The following MYRIP variants were observed in gnomAD, a reference collection of about 807,000 sequenced individuals.
The protein encoded by MYRIP is myosin VIIA and Rab interacting protein, also known as rab effector MyRIP.
A neutral mutation model predicts 98.0 loss-of-function variants in MYRIP; 49 were observed. That is an observed-to-expected ratio of 0.50 (90% CI 0.40 to 0.63). The LOEUF is 0.63. Among genes scored for constraint, MYRIP ranks in the 30% least tolerant of loss-of-function variants. The pLI, the probability that MYRIP is intolerant of heterozygous loss-of-function variation, is 0.00. For missense variants in MYRIP, 1,004 were observed against 1,058.2 expected (o/e 0.95, Z 0.71); for synonymous variants, 404 against 409.5 (o/e 0.99, Z 0.16).
intron 1 of MYRIP, among the ~76,000 whole-genome samples, chr3:39,885,113 C>T (rs961947709): frequency 2.0e-5 from 3 of 151,912 alleles, no homozygotes; most frequent in Non-Finnish European, 4.4e-5. Flanking sequence ...AAAAGTCCTT[C>T]AGTCTGCACT....
intron 13 of MYRIP, among the ~76,000 whole-genome samples, chr3:40,249,998 T>C (rs1002167855): frequency 6.6e-6 from 1 of 152,112 alleles, no homozygotes. Flanking sequence ...GTTGACATGC[T>C]CTAGAGCTAA....
intron 2 of MYRIP, among the ~76,000 whole-genome samples, chr3:39,926,700 A>C (rs997279307): frequency 2.6e-5 from 4 of 151,860 alleles, no homozygotes; most frequent in Admixed American, 6.6e-5. Flanking sequence ...TTATGTGTCT[A>C]TTTTTGTACC....
At chr3:40,232,571 G>A (rs962655648) in intron 11 of MYRIP, among the ~76,000 whole-genome samples, 1 of 152,202 alleles carries the variant, frequency 6.6e-6, no homozygotes, top group Non-Finnish European at 1.5e-5. Context: ...CTGGTCACAC[G>A]AAATATGCCT....
chr3:40,157,695 G>T lies in MYRIP; in HGVS notation c.470-5035G>T, dbSNP rs1338467967. Reference sequence around the variant, plus strand: ...AGATCCTGTTATTGGTCTATTCAGAGATTCAACTTCTTCCTGGTTTAGTCT... The same window carrying T: ...AGATCCTGTTATTGGTCTATTCAGATATTCAACTTCTTCCTGGTTTAGTCT... On this transcript the variant is annotated intron_variant, in intron 4 of 16. Coordinates refer to ENST00000302541, the MANE Select transcript of MYRIP (RefSeq NM_015460.4). 8.6e-5 allele frequency among the ~76,000 whole-genome samples: 13 copies of T among 150,786 alleles called. No homozygotes were observed. In the East Asian group the frequency reaches 2.5e-3, roughly 29 times the overall value.
At chr3:40,018,539 C>G (rs1305505996) in intron 2 of MYRIP, among the ~76,000 whole-genome samples, 1 of 149,444 alleles carries the variant, frequency 6.7e-6, no homozygotes, top group African/African-American at 2.4e-5. Context: ...GTCTTTTGGT[C>G]CCTCATTTCC....
At chr3:40,122,556 ATAAT>A (rs987814617) in intron 3 of MYRIP, among the ~76,000 whole-genome samples, 1 of 151,898 alleles carries the variant, frequency 6.6e-6, no homozygotes, top group Non-Finnish European at 1.5e-5. Context: ...CTATAGATAC[ATAAT>A]TAAACACATT....
At chr3:40,158,882 A>C (rs1395065455) in intron 4 of MYRIP, among the ~76,000 whole-genome samples, 1 of 151,394 alleles carries the variant, frequency 6.6e-6, no homozygotes, top group Non-Finnish European at 1.5e-5. Context: ...TTTTGAGCCT[A>C]TGTGTGTCTC....
intron 9 of MYRIP, among the ~76,000 whole-genome samples, chr3:40,189,469 A>C (rs950841150): frequency 6.6e-6 from 1 of 152,226 alleles, no homozygotes; most frequent in Admixed American, 6.5e-5. Flanking sequence ...TCAAAGAGCC[A>C]GAAGCTGGTA....
intron 2 of MYRIP, among the ~76,000 whole-genome samples, chr3:40,041,635 C>G (rs1947534848): frequency 1.3e-5 from 2 of 151,626 alleles, no homozygotes; most frequent in Non-Finnish European, 2.9e-5. Flanking sequence ...GTAACACGAT[C>G]CTGCACAAGG....
At chr3:39,877,138 T>A (rs1231159848) in intron 1 of MYRIP, among the ~76,000 whole-genome samples, 5 of 152,230 alleles carry the variant, frequency 3.3e-5, no homozygotes, top group Non-Finnish European at 7.3e-5. Flanking sequence ...TCGCATCAGC[T>A]CCAGAGGCTT....
chr3:40,251,566 T>C (rs1431226860), intron 15 of MYRIP, among the ~76,000 whole-genome samples: 1 of 152,226 alleles, frequency 6.6e-6, no homozygotes, highest in Admixed American at 6.5e-5. Flanking sequence ...TCAGATTCTT[T>C]TGGCTCCAAA....
At chr3:40,033,608 G>T (rs1947309525) in intron 2 of MYRIP, among the ~76,000 whole-genome samples, 1 of 152,168 alleles carries the variant, frequency 6.6e-6, no homozygotes, top group Non-Finnish European at 1.5e-5. Context: ...ATGCTCATGG[G>T]TAGGAAGAAT....
chr3:39,938,064 C>G (rs1161123321), intron 2 of MYRIP, among the ~76,000 whole-genome samples: 3 of 152,140 alleles, frequency 2.0e-5, no homozygotes, highest in African/African-American at 4.8e-5. Flanking sequence ...TCCCATGAAA[C>G]TGAAACTGAA....
intron 2 of MYRIP, among the ~76,000 whole-genome samples, chr3:39,939,349 G>A (rs545989611): frequency 1.3e-4 from 20 of 152,202 alleles, no homozygotes; most frequent in Non-Finnish European, 2.9e-5. Context: ...AGAGTGATCT[G>A]GCTCTTTCTG....
chr3:40,245,522 G>T (rs967510035), intron 13 of MYRIP, among the ~76,000 whole-genome samples: 1 of 151,532 alleles, frequency 6.6e-6, no homozygotes, highest in Non-Finnish European at 1.5e-5. Context: ...GGTGGCGGGC[G>T]CCTGTAGTCC....
intron 1 of MYRIP, among the ~76,000 whole-genome samples, chr3:39,875,141 A>G (rs1202342202): frequency 1.3e-5 from 2 of 152,206 alleles, no homozygotes; most frequent in Non-Finnish European, 2.9e-5. Flanking sequence ...AGGTGTTTGT[A>G]GTATTCTCTG....
intron 8 of MYRIP, among the ~76,000 whole-genome samples, chr3:40,172,789 C>A (rs1021435165): frequency 6.6e-6 from 1 of 152,164 alleles, no homozygotes; most frequent in African/African-American, 2.4e-5. Flanking sequence ...CCCACACAGC[C>A]AGATGGCATC....
chr3:39,831,709 T>C (rs942679864), intron 1 of MYRIP, among the ~76,000 whole-genome samples: 1 of 152,216 alleles, frequency 6.6e-6, no homozygotes, highest in African/African-American at 2.4e-5. Flanking sequence ...TCTACATATA[T>C]TTACACATTT....
At chr3:40,046,431 T>C (rs1176240001) in intron 3 of MYRIP, among the ~76,000 whole-genome samples, 2 of 151,582 alleles carry the variant, frequency 1.3e-5, no homozygotes, top group African/African-American at 2.4e-5. Flanking sequence ...CATGAATCTT[T>C]GTGACCCAAA....
Sources: gnomAD v4.1 joint callset for allele counts (sites outside exome capture counted in the v4.1 genomes callset) on GRCh38, gnomAD v4.1.1 for gene constraint, MANE v1.5 for transcripts, NCBI Gene and HGNC (gene_info 2026-07-23, HGNC 2026-07-21) for gene names.